Variants in HDAC9 observed in about 807,000 individuals in gnomAD.
HDAC9 encodes MEF-2 interacting transcription repressor (MITR) protein.
Under a neutral mutation model 139.4 loss-of-function variants are expected in HDAC9, and 41 were observed. That is an observed-to-expected ratio of 0.29 (90% confidence interval 0.23 to 0.38). The LOEUF (loss-of-function observed/expected upper bound fraction) is 0.38. Ranked by LOEUF, HDAC9 falls within the 10% of genes least tolerant of loss-of-function variation. The pLI, the probability that HDAC9 is intolerant of heterozygous loss-of-function variation, is 1.00. For missense variants in HDAC9, 1,147 were observed against 1,297.0 expected, an observed-to-expected ratio of 0.88 and a Z score of 1.78; for synonymous variants, 517 against 476.2, an observed-to-expected ratio of 1.09 and a Z score of -1.12.
intron 1 of HDAC9, among the ~76,000 whole-genome samples, chr7:18,452,193 G>C (rs745385265): frequency 1.3e-4 from 20 of 152,138 alleles, no homozygotes; most frequent in Non-Finnish European, 2.5e-4. Context: ...AGGCTGAACT[G>C]TGGTAGCCAC....
intron 2 of HDAC9, among the ~76,000 whole-genome samples, chr7:18,239,588 A>C (rs886656969): frequency 6.6e-6 from 1 of 152,230 alleles, no homozygotes; most frequent in Non-Finnish European, 1.5e-5. Flanking sequence ...TTCAAGTGGC[A>C]AAAAGAAGTT....
chr7:18,144,072 G>T (rs1584305439), intron 1 of HDAC9, among the ~76,000 whole-genome samples: 1 of 151,972 alleles, frequency 6.6e-6, no homozygotes, highest in Admixed American at 6.6e-5. Context: ...ATGACTTTCA[G>T]ACTCTTCAGT....
At chr7:18,475,505 T>C (rs1795046059) in intron 1 of HDAC9, among the ~76,000 whole-genome samples, 1 of 152,234 alleles carries the variant, frequency 6.6e-6, no homozygotes, top group Non-Finnish European at 1.5e-5. Context: ...AAGTTCATTC[T>C]GTAGCCCCAA....
intron 22 of HDAC9, among the ~76,000 whole-genome samples, chr7:18,930,381 A>G (rs1470204072): frequency 6.6e-6 from 1 of 152,170 alleles, no homozygotes; most frequent in African/African-American, 2.4e-5. Context: ...TAATGAAGCT[A>G]GAAGTAAATA....
At chr7:18,816,069 C>T (rs34921121) in intron 17 of HDAC9, among the ~76,000 whole-genome samples, 4,718 of 152,256 alleles carry the variant, frequency 0.031, 106 homozygotes, top group Admixed American at 0.056. Flanking sequence ...AATACAAAGG[C>T]AATACAAATA....
intron 6 of HDAC9, among the ~76,000 whole-genome samples, chr7:18,605,561 T>C (rs747729317): frequency 1.3e-5 from 2 of 152,222 alleles, no homozygotes; most frequent in Non-Finnish European, 2.9e-5. Context: ...ACTCCCTACC[T>C]TCACTTAAAC....
intron 1 of HDAC9, among the ~76,000 whole-genome samples, chr7:18,316,334 C>T (rs770667205): frequency 6.6e-6 from 1 of 152,068 alleles, no homozygotes; most frequent in Admixed American, 6.5e-5. Flanking sequence ...GATAACTTTG[C>T]ACTCAGTTTG....
chr7:18,903,348 G>A (rs1331347306), intron 22 of HDAC9, among the ~76,000 whole-genome samples: 1 of 152,168 alleles, frequency 6.6e-6, no homozygotes, highest in East Asian at 1.9e-4. Flanking sequence ...ATACTTGTGT[G>A]GCGCCTAAGC....
intron 12 of HDAC9, among the ~76,000 whole-genome samples, chr7:18,691,518 T>G (rs889140202): frequency 6.6e-6 from 1 of 152,022 alleles, no homozygotes; most frequent in Non-Finnish European, 1.5e-5. Flanking sequence ...AAGGGCTGCT[T>G]CGTGGTTTCT....
chr7:18,147,939 G>T (rs1404832381), intron 1 of HDAC9, among the ~76,000 whole-genome samples: 2 of 152,000 alleles, frequency 1.3e-5, no homozygotes, highest in African/African-American at 4.8e-5. Flanking sequence ...TGTATTAATT[G>T]CTGTGTATTA....
At chr7:18,716,344 A>C (rs574234120) in intron 12 of HDAC9, among the ~76,000 whole-genome samples, 1 of 152,226 alleles carries the variant, frequency 6.6e-6, no homozygotes, top group African/African-American at 2.4e-5. Context: ...TGAAGGAAGA[A>C]AAATATAATT....
intron 22 of HDAC9, among the ~76,000 whole-genome samples, chr7:18,935,578 A>G (rs75779281): frequency 0.012 from 1,793 of 152,264 alleles, 44 homozygotes; most frequent in African/African-American, 0.042. Flanking sequence ...GATTGGTGCC[A>G]GTCTTGGTTG....
chr7:18,549,718 C>CTA (rs1816453008), intron 2 of HDAC9, among the ~76,000 whole-genome samples: 1 of 150,376 alleles, frequency 6.6e-6, no homozygotes. Context: ...CTCCAAGAAT[C>CTA]TATAATTATT....
At chr7:18,700,706 C>T (rs990045789) in intron 12 of HDAC9, among the ~76,000 whole-genome samples, 14 of 152,164 alleles carry the variant, frequency 9.2e-5, no homozygotes, top group African/African-American at 2.9e-4. Flanking sequence ...CTTGCTCACA[C>T]GTCTGGGAAA....
chr7:18,983,293 A>G (rs1326888251), intron 25 of HDAC9, among the ~76,000 whole-genome samples: 1 of 152,102 alleles, frequency 6.6e-6, no homozygotes, highest in Non-Finnish European at 1.5e-5. Context: ...TTCTTTTTTA[A>G]GGCTGAATAA....
At chr7:18,647,370 T>C (rs73311471) in intron 9 of HDAC9, among the ~76,000 whole-genome samples, 3,760 of 152,220 alleles carry the variant, frequency 0.025, 171 homozygotes, top group African/African-American at 0.085. Context: ...ATATGCATTG[T>C]CTCACATACT....
chr7:18,979,328 A>G (rs932028364), intron 25 of HDAC9, among the ~76,000 whole-genome samples: 2 of 152,166 alleles, frequency 1.3e-5, no homozygotes, highest in African/African-American at 4.8e-5. Context: ...ATATAGAAAT[A>G]TAGACCATTA....
At chr7:18,767,717 C>A (rs1326417062) in intron 16 of HDAC9, among the ~76,000 whole-genome samples, 4 of 152,126 alleles carry the variant, frequency 2.6e-5, no homozygotes, top group African/African-American at 9.7e-5. Flanking sequence ...TAGAACCCAG[C>A]AACACATGAA....
intron 2 of HDAC9, among the ~76,000 whole-genome samples, chr7:18,183,201 G>T (rs371504440): frequency 2.0e-5 from 3 of 150,740 alleles, no homozygotes; most frequent in East Asian, 1.9e-4. Flanking sequence ...AGTAGAGACG[G>T]GGTTTCACCG....
Sources: allele counts gnomAD v4.1 joint callset (sites outside exome capture counted in the v4.1 genomes callset), GRCh38; gene constraint gnomAD v4.1.1; transcripts MANE v1.5; gene names NCBI Gene and HGNC (gene_info 2026-07-23, HGNC 2026-07-21).